The following TXLNG variants were observed in gnomAD, a reference collection of about 807,000 sequenced individuals.
The protein encoded by TXLNG is gamma-taxilin.
Under a neutral mutation model 38.8 loss-of-function variants are expected in TXLNG, and 5 were observed. That is an observed-to-expected ratio of 0.13 (90% CI 0.07 to 0.27). The LOEUF is 0.27. Among genes scored for constraint, TXLNG ranks in the 10% least tolerant of loss-of-function variants. The pLI is 1.00. For synonymous variants in TXLNG, 182 were observed against 158.2 expected, an observed-to-expected ratio of 1.15 and a Z score of -1.13; for missense variants, 393 against 398.2, an observed-to-expected ratio of 0.99 and a Z score of 0.11.
In TXLNG at chrX:16,815,531, A is replaced by AT. The variant is rs776273982; in HGVS notation, c.103-3035dup. Among the ~76,000 whole-genome samples the AT allele has an allele frequency of 6.5e-3, 629 of 97,431 alleles. 4 individuals carry two copies. The highest frequency in any genetic ancestry group is 0.023 in the African/African-American group (608 of 26,260). The allele number at this position is 97,431 out of a possible 115,157, so 84.6% of individuals were successfully genotyped here. ...AGGGAATAGATTTGAAACTATTATT[A>AT]TTTTTTTTGAGACGGAGTCTCGCTC... On this transcript the variant is annotated intron_variant, in intron 1 of 9. Transcript: ENST00000380122.
intron 7 of TXLNG, among the ~76,000 whole-genome samples, chrX:16,836,855 A>G (rs775172074): frequency 8.3e-4 from 92 of 111,463 alleles, no homozygotes; most frequent in Non-Finnish European, 1.5e-3. Context: ...TAGTCTCTGA[A>G]AGGTTCCCTC....
intron 3 of TXLNG, among the ~76,000 whole-genome samples, chrX:16,824,143 G>A (rs1046412581): frequency 1.3e-4 from 15 of 112,062 alleles, no homozygotes; most frequent in African/African-American, 4.9e-4. Context: ...GCTGAAGCAG[G>A]ATTGCTTACA....
intron 7 of TXLNG, among the ~76,000 whole-genome samples, chrX:16,835,789 C>A (rs1240174243): frequency 1.8e-5 from 2 of 112,336 alleles, no homozygotes; most frequent in Admixed American, 1.9e-4. Context: ...TCTCTGCCCT[C>A]ACCATGTCAT....
At chrX:16,839,940 G>A (rs1777504191) in intron 9 of TXLNG, 24 bp downstream of exon 9, 1 of 1,119,975 alleles carries the variant, frequency 8.9e-7, no homozygotes, top group Non-Finnish European at 1.2e-6. Flanking sequence ...CTGCGACTAA[G>A]GTGTAGTCTT....
chrX:16,828,037 C>T (rs1289687469), intron 3 of TXLNG, 57 bp from the exon 4 acceptor site: 25 of 1,062,461 alleles, frequency 2.4e-5, no homozygotes, highest in Non-Finnish European at 3.0e-5. Flanking sequence ...ATAATTCTAG[C>T]CATAACTGTA....
chrX:16,814,715 T>C (rs1928667659), intron 1 of TXLNG, among the ~76,000 whole-genome samples: 2 of 111,555 alleles, frequency 1.8e-5, no homozygotes, highest in Admixed American at 9.6e-5. Flanking sequence ...GCAACTAGAT[T>C]AGTGGCCTGG....
rs1373954708 is a variant in TXLNG at position 16,842,437 on chromosome X, G to C, written c.*671G>C. 1 of 111,646 alleles carries C rather than the reference G, an allele frequency of 9.0e-6. No individual in the cohort carries two copies. Among genetic ancestry groups the C allele is most frequent in the Non-Finnish European group, 1.9e-5 (1 of 53,157 alleles). The allele number at this position is 111,646 out of a possible 1,213,427, so 9.2% of individuals were successfully genotyped here. On this transcript the variant is annotated 3_prime_UTR_variant, in exon 10 of 10. Transcript: ENST00000380122. ...AAATAAGCTTAGTGTTTACGTGACT[G>C]AACAGTCATCCTGCTTTGGTTTCAG... is the stretch of plus-strand genomic sequence containing the variant.
At chrX:16,822,755 A>G (rs1294526054) in intron 3 of TXLNG, among the ~76,000 whole-genome samples, 4 of 112,381 alleles carry the variant, frequency 3.6e-5, no homozygotes, top group Non-Finnish European at 5.6e-5. Context: ...AATTGGTTAG[A>G]AGAGAGAACA....
chrX:16,830,454 C>T (rs191633319), intron 5 of TXLNG, among the ~76,000 whole-genome samples: 1 of 104,402 alleles, frequency 9.6e-6, no homozygotes, highest in Admixed American at 1.0e-4. Context: ...CCTGGTTTTT[C>T]AAGTTCCTCA....
intron 1 of TXLNG, among the ~76,000 whole-genome samples, chrX:16,816,168 G>C (rs1928736972): frequency 1.8e-5 from 2 of 108,900 alleles, no homozygotes; most frequent in African/African-American, 3.3e-5. Context: ...GCTAATTTTT[G>C]TATTTTTAGT....
At chrX:16,809,669 T>C (rs1405754925) in intron 1 of TXLNG, among the ~76,000 whole-genome samples, 3 of 110,944 alleles carry the variant, frequency 2.7e-5, no homozygotes, top group African/African-American at 9.8e-5. Flanking sequence ...AGTATTTTCT[T>C]CCAGCACTTC....
chrX:16,812,078 A>T lies in TXLNG; in HGVS notation c.103-6496A>T, dbSNP rs749399638. 8.7e-5 allele frequency among the ~76,000 whole-genome samples: 9 copies of T among 104,033 alleles called. No homozygotes were observed. The East Asian group carries it at 2.7e-3, about 32-fold the overall frequency. 90.3% of individuals were successfully genotyped at this position (104,033 alleles called of 115,157 possible). On this transcript the variant is annotated intron_variant, in intron 1 of 9. Transcript: ENST00000380122. ...GAGTGCAGTGGCACGATCTTGGCTC[A>T]CTGTAACCTTTGTCTCCTGAGTTCA...
chrX:16,844,413 C>T lies in TXLNG; in HGVS notation c.*2647C>T, dbSNP rs1244063104. ...AGGATACGAATTGTTAAGAGGCAGT[C>T]TCGTTTTGCTTTTCAAAGACATTTT... On this transcript the variant is annotated 3_prime_UTR_variant, in exon 10 of 10. Coordinates refer to ENST00000380122, the MANE Select transcript of TXLNG (RefSeq NM_018360.3). The T allele has an allele frequency of 8.9e-6, 1 of 112,121 alleles. No homozygotes were observed. Among genetic ancestry groups the T allele is most frequent in the Non-Finnish European group, 1.9e-5 (1 of 53,235 alleles). The allele number at this position is 112,121 out of a possible 1,213,427, so 9.2% of individuals were successfully genotyped here. A position where few individuals can be genotyped will look rare whatever the true frequency, so the allele number is the denominator to read the frequency against.
chrX:16,827,176 C>T (rs950909260), intron 3 of TXLNG, among the ~76,000 whole-genome samples: 5 of 110,809 alleles, frequency 4.5e-5, no homozygotes, highest in Admixed American at 9.6e-5. Flanking sequence ...CTGCAGTGAG[C>T]CGAGATTGTG....
intron 1 of TXLNG, among the ~76,000 whole-genome samples, chrX:16,806,916 CA>C (rs1182577038): frequency 0.013 from 494 of 38,895 alleles, 6 homozygotes; most frequent in African/African-American, 0.042. Context: ...GACTCTGTCT[CA>C]AAAAAAAAAA....
chrX:16,816,894 AT>A (rs1261349298), intron 1 of TXLNG, among the ~76,000 whole-genome samples: 4 of 112,224 alleles, frequency 3.6e-5, no homozygotes, highest in Non-Finnish European at 7.5e-5. Flanking sequence ...GGCTTAATGA[AT>A]TTTCACAAAG....
intron 1 of TXLNG, among the ~76,000 whole-genome samples, chrX:16,812,958 C>T (rs1928588453): frequency 9.1e-6 from 1 of 109,920 alleles, no homozygotes; most frequent in South Asian, 3.8e-4. Context: ...ACCTCAACCT[C>T]CCAAACTGCT....
At chrX:16,804,005 A>T (rs1323177791) in intron 1 of TXLNG, among the ~76,000 whole-genome samples, 1 of 111,654 alleles carries the variant, frequency 9.0e-6, no homozygotes, top group Non-Finnish European at 1.9e-5. Flanking sequence ...TTTGACAGCC[A>T]AAAAGTAAAA....
chrX:16,831,135 T>A (rs939998024), intron 5 of TXLNG, among the ~76,000 whole-genome samples: 4 of 111,972 alleles, frequency 3.6e-5, no homozygotes, highest in Non-Finnish European at 7.5e-5. Context: ...GTTTCATACC[T>A]AAAAAATTAA....
Sources: gnomAD v4.1 joint callset for allele counts (sites outside exome capture counted in the v4.1 genomes callset) on GRCh38, gnomAD v4.1.1 for gene constraint, MANE v1.5 for transcripts, NCBI Gene and HGNC (gene_info 2026-07-23, HGNC 2026-07-21) for gene names.